The following KIAA1217 variants were observed in gnomAD, a reference collection of about 807,000 sequenced individuals.
KIAA1217 encodes KIAA1217.
A neutral mutation model predicts 163.9 loss-of-function variants in KIAA1217; 88 were observed. The ratio of observed to expected loss-of-function variants is 0.54; its 90% CI spans 0.45 to 0.64. KIAA1217 has a LOEUF of 0.64. KIAA1217 is among the 30% of genes least tolerant of loss of function. The probability of loss-of-function intolerance (pLI) is 0.00; values close to 1 mark genes in which losing one functional copy is unlikely to be tolerated. For synonymous variants in KIAA1217, 903 were observed against 923.1 expected, an observed-to-expected ratio of 0.98 and a Z score of 0.39; for missense variants, 2,372 against 2,475.0, an observed-to-expected ratio of 0.96 and a Z score of 0.88.
chr10:24,505,496 C>T (rs771846688), intron 9 of KIAA1217, among the ~76,000 whole-genome samples: 8 of 152,104 alleles, frequency 5.3e-5, no homozygotes, highest in Non-Finnish European at 1.2e-4. Flanking sequence ...TCCCAAAATG[C>T]CACAGTACTT....
intron 2 of KIAA1217, among the ~76,000 whole-genome samples, chr10:24,246,909 G>C (rs1477140471): frequency 6.6e-6 from 1 of 151,960 alleles, no homozygotes; most frequent in African/African-American, 2.4e-5. Flanking sequence ...AGCTACTTAG[G>C]AGGCTGAGGC....
intron 2 of KIAA1217, among the ~76,000 whole-genome samples, chr10:24,037,456 C>G (rs547409733): frequency 8.5e-5 from 13 of 152,220 alleles, no homozygotes; most frequent in Non-Finnish European, 1.8e-4. Flanking sequence ...CACCACTGCA[C>G]TCTGGCCTGG....
At chr10:24,201,813 G>C (rs536629488) in intron 2 of KIAA1217, among the ~76,000 whole-genome samples, 3 of 152,072 alleles carry the variant, frequency 2.0e-5, no homozygotes, top group East Asian at 1.9e-4. Context: ...CTATAAACTC[G>C]AGGGTGAGGC....
At chr10:23,891,038 T>C (rs115714420) in intron 1 of KIAA1217, among the ~76,000 whole-genome samples, 1 of 151,984 alleles carries the variant, frequency 6.6e-6, no homozygotes, top group Non-Finnish European at 1.5e-5. Flanking sequence ...ATTTTGGTAT[T>C]TTAATAGCCT....
intron 2 of KIAA1217, among the ~76,000 whole-genome samples, chr10:24,163,865 CTCTAAG>C (rs1287913437): frequency 6.6e-6 from 1 of 152,290 alleles, no homozygotes; most frequent in African/African-American, 2.4e-5. Flanking sequence ...TGTCTGAAAT[CTCTAAG>C]TCTAAGTGAG....
At chr10:23,923,037 C>G (rs995119819) in intron 1 of KIAA1217, among the ~76,000 whole-genome samples, 1 of 151,970 alleles carries the variant, frequency 6.6e-6, no homozygotes, top group African/African-American at 2.4e-5. Flanking sequence ...TTTGGCACAC[C>G]TGTCACCCAA....
At chr10:24,456,353 A>C (rs2061789141) in intron 5 of KIAA1217, among the ~76,000 whole-genome samples, 1 of 152,136 alleles carries the variant, frequency 6.6e-6, no homozygotes, top group African/African-American at 2.4e-5. Context: ...TTTCCGTTTT[A>C]TTCATTTTCT....
At chr10:23,834,174 T>C (rs1172360918) in intron 1 of KIAA1217, among the ~76,000 whole-genome samples, 1 of 152,180 alleles carries the variant, frequency 6.6e-6, no homozygotes, top group Admixed American at 6.6e-5. Context: ...TATTTTGTTT[T>C]ATCTTTTCTA....
At chr10:24,128,115 G>A (rs1010272348) in intron 2 of KIAA1217, among the ~76,000 whole-genome samples, 6 of 152,196 alleles carry the variant, frequency 3.9e-5, no homozygotes, top group Non-Finnish European at 7.3e-5. Flanking sequence ...TTGAGGCGGA[G>A]TCTGTTGTTA....
chr10:24,178,980 G>C (rs2066041376), intron 2 of KIAA1217, among the ~76,000 whole-genome samples: 1 of 152,086 alleles, frequency 6.6e-6, no homozygotes, highest in Admixed American at 6.5e-5. Context: ...CTTAATGTAG[G>C]GGAGGAAAAA....
intron 3 of KIAA1217, among the ~76,000 whole-genome samples, chr10:24,418,247 A>C (rs2131477762): frequency 6.6e-6 from 1 of 152,180 alleles, no homozygotes; most frequent in South Asian, 2.1e-4. Flanking sequence ...GGTGTGAGCC[A>C]TTGCGCCCAG....
chr10:24,297,750 T>C (rs773642835), intron 2 of KIAA1217, among the ~76,000 whole-genome samples: 4 of 151,970 alleles, frequency 2.6e-5, no homozygotes, highest in Non-Finnish European at 4.4e-5. Flanking sequence ...AACAAGACTC[T>C]GTCTCAAAAA....
chr10:24,474,531 T>A (rs2063811362), intron 6 of KIAA1217, among the ~76,000 whole-genome samples: 1 of 152,172 alleles, frequency 6.6e-6, no homozygotes, highest in African/African-American at 2.4e-5. Context: ...TCTCATCTGG[T>A]TGTGGGAAGT....
chr10:24,097,899 C>A (rs145872435), intron 2 of KIAA1217, among the ~76,000 whole-genome samples: 2 of 152,084 alleles, frequency 1.3e-5, no homozygotes, highest in Non-Finnish European at 2.9e-5. Context: ...GGAACAGCCA[C>A]GGCACCAATG....
At chr10:24,420,945 C>G (rs868060326) in intron 3 of KIAA1217, among the ~76,000 whole-genome samples, 2 of 152,152 alleles carry the variant, frequency 1.3e-5, no homozygotes, top group Non-Finnish European at 2.9e-5. Flanking sequence ...AGTACCCCCT[C>G]TTATTATTAT....
intron 1 of KIAA1217, among the ~76,000 whole-genome samples, chr10:23,856,913 C>A (rs564575554): frequency 7.9e-5 from 12 of 152,336 alleles, no homozygotes; most frequent in Admixed American, 7.2e-4. Context: ...TGCTGTCTGT[C>A]ACCCCTTTCT....
chr10:24,005,210 C>G (rs1769125778), intron 1 of KIAA1217, among the ~76,000 whole-genome samples: 1 of 152,130 alleles, frequency 6.6e-6, no homozygotes, highest in African/African-American at 2.4e-5. Context: ...CTAACAATGC[C>G]TAGCTGGCAG....
intron 1 of KIAA1217, among the ~76,000 whole-genome samples, chr10:23,911,656 G>A (rs1303529618): frequency 6.6e-6 from 1 of 152,160 alleles, no homozygotes; most frequent in African/African-American, 2.4e-5. Context: ...TGGCAAAACT[G>A]GACTGGCATC....
At chr10:24,387,430 A>G (rs1180179196) in intron 3 of KIAA1217, among the ~76,000 whole-genome samples, 2 of 152,228 alleles carry the variant, frequency 1.3e-5, no homozygotes, top group Non-Finnish European at 1.5e-5. Context: ...ACTTATGACA[A>G]ACCCACAGCC....
Sources: gnomAD v4.1 joint callset for allele counts (sites outside exome capture counted in the v4.1 genomes callset) on GRCh38, gnomAD v4.1.1 for gene constraint, MANE v1.5 for transcripts, NCBI Gene and HGNC (gene_info 2026-07-23, HGNC 2026-07-21) for gene names.